The following PTPRD variants were observed in gnomAD, a reference collection of about 807,000 sequenced individuals.
PTPRD encodes the protein receptor-type tyrosine-protein phosphatase delta.
Under a neutral mutation model 214.5 loss-of-function variants are expected in PTPRD, and 34 were observed. The observed-to-expected ratio is 0.16, with a 90% CI of 0.12 to 0.21. PTPRD has a LOEUF of 0.21. Among genes scored for constraint, PTPRD ranks in the 10% least tolerant of loss-of-function variants. PTPRD has a pLI of 1.00. For missense variants in PTPRD, 2,545 were observed against 2,398.7 expected (o/e 1.06, Z -1.27); for synonymous variants, 1,128 against 845.7 (o/e 1.33, Z -5.79).
At chr9:10,532,776 T>C (rs62538045) in intron 2 of PTPRD, among the ~76,000 whole-genome samples, 21,832 of 151,844 alleles carry the variant, frequency 0.14, 1,774 homozygotes, top group Non-Finnish European at 0.19. Context: ...GTGTAAGGAC[T>C]CTTAGAATAA....
intron 3 of PTPRD, among the ~76,000 whole-genome samples, chr9:10,079,276 A>T (rs2154187624): frequency 6.6e-6 from 1 of 152,198 alleles, no homozygotes; most frequent in East Asian, 1.9e-4. Flanking sequence ...GTGCCATTGC[A>T]GCTATTCTGA....
At position 8,486,044 on chromosome 9, in the gene PTPRD, G is replaced by T. The variant is rs776518551; in HGVS notation, c.2773C>A (p.Leu925Ile). ...EEVPTGFPQN[L>I]HSEGTTSTSV... ...GTTGAAGTGGTGCCTTCTGAGTGAA[G>T]GTTTTGAGGGAATCCAGTTGGTACT... is the stretch of plus-strand genomic sequence containing the variant. Residue 925 changes from leucine to isoleucine, a missense_variant, in exon 28 of 46, where the codon CTT becomes ATT. Coordinates refer to ENST00000381196, the MANE Select transcript of PTPRD (RefSeq NM_002839.4). The T allele has an allele frequency of 6.2e-7, 1 of 1,614,174 alleles. No homozygotes were observed. Among genetic ancestry groups the T allele is most frequent in the Non-Finnish European group, 8.5e-7 (1 of 1,180,020 alleles).
chr9:9,194,454 C>A (rs1490021384), intron 9 of PTPRD, among the ~76,000 whole-genome samples: 2 of 152,030 alleles, frequency 1.3e-5, no homozygotes, highest in Non-Finnish European at 1.5e-5. Context: ...TTGTTTACAC[C>A]AGCATCGCCA....
At chr9:8,640,847 CAAGAT>C (rs2096561094) in intron 12 of PTPRD, among the ~76,000 whole-genome samples, 1 of 149,158 alleles carries the variant, frequency 6.7e-6, no homozygotes, top group Non-Finnish European at 1.5e-5. Flanking sequence ...AAGTAAGACT[CAAGAT>C]AATATAGTAA....
intron 11 of PTPRD, among the ~76,000 whole-genome samples, chr9:8,775,770 G>C: frequency 6.6e-6 from 1 of 151,674 alleles, no homozygotes; most frequent in East Asian, 1.9e-4. Flanking sequence ...GATTACTTGA[G>C]CTCAGGAGTT....
chr9:8,719,799 G>A (rs1375597760), intron 12 of PTPRD, among the ~76,000 whole-genome samples: 1 of 151,846 alleles, frequency 6.6e-6, no homozygotes, highest in Non-Finnish European at 1.5e-5. Context: ...TAAAATGTTA[G>A]CGCCAAGTAG....
chr9:9,847,679 C>G (rs947131513), intron 5 of PTPRD, among the ~76,000 whole-genome samples: 8 of 152,064 alleles, frequency 5.3e-5, no homozygotes, highest in African/African-American at 1.9e-4. Flanking sequence ...CCAGGCAGGG[C>G]CAAGTCTTCT....
Position 10,568,010 on chromosome 9 carries a change from C to A in PTPRD, c.-600+44388G>T, listed in dbSNP as rs368350290. 1.1e-4 allele frequency among the ~76,000 whole-genome samples: 16 copies of A among 151,426 alleles called. 1 individual carries two copies. In the East Asian group the frequency reaches 2.1e-3, roughly 20 times the overall value. ...CTTTAAGTTTTAGGGTACACTTGCA[C>A]AACGTGCAGGTTTGTTACATATGTA... On this transcript the variant is annotated intron_variant, in intron 2 of 45. Coordinates refer to ENST00000381196, the MANE Select transcript of PTPRD (RefSeq NM_002839.4).
At chr9:8,559,217 C>G (rs1294315701) in intron 14 of PTPRD, among the ~76,000 whole-genome samples, 1 of 152,052 alleles carries the variant, frequency 6.6e-6, no homozygotes, top group Non-Finnish European at 1.5e-5. Context: ...TTATACTTAG[C>G]AGTAATTCGT....
At chr9:9,237,415 G>A (rs1225881389) in intron 9 of PTPRD, among the ~76,000 whole-genome samples, 1 of 152,086 alleles carries the variant, frequency 6.6e-6, no homozygotes, top group Non-Finnish European at 1.5e-5. Context: ...GGGTGACAGA[G>A]TGAGACCCTA....
At chr9:9,191,016 G>C (rs1381093768) in intron 9 of PTPRD, among the ~76,000 whole-genome samples, 2 of 152,028 alleles carry the variant, frequency 1.3e-5, no homozygotes, top group East Asian at 3.9e-4. Flanking sequence ...TCATACACTT[G>C]TGTAACCTCC....
chr9:9,978,104 A>ACACATACACACG (rs2095421072), intron 4 of PTPRD, among the ~76,000 whole-genome samples: 1 of 151,102 alleles, frequency 6.6e-6, no homozygotes, highest in African/African-American at 2.4e-5. Flanking sequence ...ATTAAAACAC[A>ACACATACACACG]CACACACACA....
intron 14 of PTPRD, among the ~76,000 whole-genome samples, chr9:8,601,734 T>C (rs1050705851): frequency 7.9e-5 from 12 of 152,198 alleles, no homozygotes; most frequent in Non-Finnish European, 1.3e-4. Context: ...TTGACAGTGT[T>C]GTCACAGAGT....
At chr9:8,460,971 T>TA (rs1171274193) in intron 32 of PTPRD, among the ~76,000 whole-genome samples, 1 of 152,018 alleles carries the variant, frequency 6.6e-6, no homozygotes, top group Admixed American at 6.6e-5. Context: ...AGAGAAAAAC[T>TA]AGAGTTCTAG....
At chr9:9,730,877 C>T (rs1023025258) in intron 7 of PTPRD, among the ~76,000 whole-genome samples, 4 of 152,096 alleles carry the variant, frequency 2.6e-5, no homozygotes, top group African/African-American at 9.6e-5. Flanking sequence ...ACCTGACAAA[C>T]GGTGAAAGCT....
intron 11 of PTPRD, among the ~76,000 whole-genome samples, chr9:8,793,586 G>A (rs1278093697): frequency 6.6e-6 from 1 of 152,156 alleles, no homozygotes; most frequent in Non-Finnish European, 1.5e-5. Flanking sequence ...CAATGTCTAA[G>A]TCTTCTCATT....
At chr9:9,943,710 T>C (rs16930657) in intron 4 of PTPRD, among the ~76,000 whole-genome samples, 5 of 152,084 alleles carry the variant, frequency 3.3e-5, no homozygotes, top group Non-Finnish European at 7.4e-5. Flanking sequence ...GTACAGAAGC[T>C]AATTGTGCAG....
chr9:9,298,835 A>G (rs1441130089), intron 9 of PTPRD, among the ~76,000 whole-genome samples: 1 of 151,808 alleles, frequency 6.6e-6, no homozygotes, highest in African/African-American at 2.4e-5. Flanking sequence ...TGTATATAAG[A>G]AAAAGTTATA....
At chr9:9,701,370 G>A (rs892562533) in intron 7 of PTPRD, among the ~76,000 whole-genome samples, 2 of 152,184 alleles carry the variant, frequency 1.3e-5, no homozygotes, top group Non-Finnish European at 2.9e-5. Flanking sequence ...TAATTACATG[G>A]TGTGAACTGG....
Sources: allele counts gnomAD v4.1 joint callset (sites outside exome capture counted in the v4.1 genomes callset), GRCh38; gene constraint gnomAD v4.1.1; transcripts MANE v1.5; gene names NCBI Gene and HGNC (gene_info 2026-07-23, HGNC 2026-07-21).